The following AK5 variants were observed in gnomAD, a reference collection of about 807,000 sequenced individuals.
AK5 encodes the protein adenylate kinase 5.
AK5 carries 27 observed loss-of-function variants against 69.5 expected under a neutral mutation model. The ratio of observed to expected loss-of-function variants is 0.39; its 90% CI spans 0.29 to 0.54. The LOEUF (loss-of-function observed/expected upper bound fraction) is 0.54. Ranked by LOEUF, AK5 falls within the 20% of genes least tolerant of loss-of-function variation. The probability of loss-of-function intolerance (pLI) is 0.71; values close to 1 mark genes in which losing one functional copy is unlikely to be tolerated. For missense variants in AK5, 531 were observed against 700.4 expected, an observed-to-expected ratio of 0.76 and a Z score of 2.73; for synonymous variants, 260 against 244.4, an observed-to-expected ratio of 1.06 and a Z score of -0.60.
At chr1:77,482,744 CTGGGCAA>C (rs1251294166) in intron 8 of AK5, among the ~76,000 whole-genome samples, 5 of 148,946 alleles carry the variant, frequency 3.4e-5, no homozygotes, top group Admixed American at 6.7e-5. Flanking sequence ...GCGCTCCAGC[CTGGGCAA>C]CAGGGCGAGA....
At chr1:77,368,444 G>T (rs1183116526) in intron 6 of AK5, among the ~76,000 whole-genome samples, 3 of 149,722 alleles carry the variant, frequency 2.0e-5, no homozygotes, top group African/African-American at 2.5e-5. Context: ...ATGAAACAAG[G>T]TTTGTGTACA....
chr1:77,377,858 A>G (rs1647349992), intron 6 of AK5, among the ~76,000 whole-genome samples: 1 of 152,288 alleles, frequency 6.6e-6, no homozygotes, highest in Non-Finnish European at 1.5e-5. Flanking sequence ...ATACCTTTGC[A>G]TGCCTTTTCC....
intron 5 of AK5, among the ~76,000 whole-genome samples, 154 bp from the exon 6 acceptor site, chr1:77,340,223 T>C (rs1469877366): frequency 6.6e-6 from 1 of 152,140 alleles, no homozygotes; most frequent in Non-Finnish European, 1.5e-5. Context: ...CTCCTGGCCT[T>C]GGGTAGAGCA....
At chr1:77,462,988 A>G (rs1054745498) in intron 8 of AK5, among the ~76,000 whole-genome samples, 42 of 152,202 alleles carry the variant, frequency 2.8e-4, no homozygotes, top group African/African-American at 9.9e-4. Context: ...CTTATTTGCA[A>G]TTTAGTACCA....
intron 8 of AK5, among the ~76,000 whole-genome samples, chr1:77,445,067 G>A (rs1234495399): frequency 2.0e-5 from 3 of 151,966 alleles, no homozygotes; most frequent in Non-Finnish European, 4.4e-5. Context: ...CCATATCTTG[G>A]CTATTGTGAA....
At chr1:77,429,070 G>T (rs910686950) in intron 8 of AK5, among the ~76,000 whole-genome samples, 52 of 152,198 alleles carry the variant, frequency 3.4e-4, no homozygotes, top group Non-Finnish European at 2.4e-4. Context: ...ATGTGTGTGT[G>T]TGTGTCTTTA....
intron 8 of AK5, among the ~76,000 whole-genome samples, chr1:77,471,248 A>G (rs761549515): frequency 1.3e-5 from 2 of 152,038 alleles, no homozygotes; most frequent in African/African-American, 4.8e-5. Flanking sequence ...TTCGAACTCT[A>G]TCTCACACAC....
chr1:77,493,721 G>A (rs1168517167), intron 10 of AK5, among the ~76,000 whole-genome samples: 2 of 152,058 alleles, frequency 1.3e-5, no homozygotes, highest in Admixed American at 6.6e-5. Context: ...TTCCAGGCCC[G>A]ACACCTGTAT....
At chr1:77,295,210 A>T (rs1201285705) in intron 3 of AK5, among the ~76,000 whole-genome samples, 1 of 152,188 alleles carries the variant, frequency 6.6e-6, no homozygotes, top group Non-Finnish European at 1.5e-5. Flanking sequence ...AGTTGCATTA[A>T]CAGAGTGTCA....
chr1:77,320,360 G>A (rs1052019641), intron 5 of AK5, among the ~76,000 whole-genome samples: 2 of 152,070 alleles, frequency 1.3e-5, no homozygotes, highest in South Asian at 2.1e-4. Context: ...GATTAAAATG[G>A]GATTTTCATT....
intron 6 of AK5, among the ~76,000 whole-genome samples, chr1:77,390,259 T>C (rs1164866424): frequency 6.6e-6 from 1 of 152,234 alleles, no homozygotes; most frequent in Non-Finnish European, 1.5e-5. Context: ...AGCACAGTTC[T>C]AATGGTGTGA....
chr1:77,294,023 C>T, intron 3 of AK5, 63 bp downstream of exon 3: 1 of 1,469,062 alleles, frequency 6.8e-7, no homozygotes, highest in Non-Finnish European at 9.2e-7. Context: ...ATTTACATTT[C>T]AAAAAAGTAA....
In AK5 at chr1:77,340,461, G is replaced by A. The variant is rs1204933444; in HGVS notation, c.784G>A (p.Gly262Ser). 6.2e-7 allele frequency: 1 copy of A among 1,614,086 alleles called. No individual in the cohort carries two copies. Among genetic ancestry groups the A allele is most frequent in the East Asian group, 2.2e-5 (1 of 44,874 alleles). ...ERLLKRAEQQ[G>S]RPDDNVKATQ... ...ATTACTGAAGCGTGCAGAACAGCAG[G>A]GCCGACCAGACGACAATGTAAAAGC... The change falls in exon 6 of 14, where the codon GGC (glycine) becomes AGC (serine). Residue 262 changes from glycine to serine, a missense_variant. Transcript: ENST00000354567.
chr1:77,338,583 A>G (rs1661487034), intron 5 of AK5, among the ~76,000 whole-genome samples: 1 of 152,102 alleles, frequency 6.6e-6, no homozygotes, highest in Admixed American at 6.5e-5. Flanking sequence ...AGCAAAAGGT[A>G]GTGGTTGAAA....
chr1:77,414,524 A>C (rs895745465), intron 7 of AK5, among the ~76,000 whole-genome samples: 2 of 152,150 alleles, frequency 1.3e-5, no homozygotes, highest in African/African-American at 2.4e-5. Flanking sequence ...TCTAAAGCTA[A>C]TTTGTATCAC....
intron 8 of AK5, among the ~76,000 whole-genome samples, chr1:77,481,922 A>C (rs1460127980): frequency 6.6e-6 from 1 of 152,242 alleles, no homozygotes; most frequent in East Asian, 1.9e-4. Context: ...TTAAACAACA[A>C]CAATTATGGT....
At chr1:77,490,377 A>G (rs1655907559) in intron 10 of AK5, among the ~76,000 whole-genome samples, 1 of 152,164 alleles carries the variant, frequency 6.6e-6, no homozygotes, top group Admixed American at 6.5e-5. Context: ...TGGTCATCTG[A>G]GTGGAAAAAA....
chr1:77,417,875 T>C (rs1240479405), intron 8 of AK5, 160 bp downstream of exon 8: 2 of 516,206 alleles, frequency 3.9e-6, no homozygotes, highest in Non-Finnish European at 6.8e-6. Context: ...ACAGTTTTCA[T>C]TCACTAAGTT....
chr1:77,392,386 T>C (rs939005182), intron 6 of AK5, among the ~76,000 whole-genome samples: 1 of 152,212 alleles, frequency 6.6e-6, no homozygotes, highest in Admixed American at 6.5e-5. Context: ...GTATATGAGA[T>C]AACTGACTTA....
Sources: gnomAD v4.1 joint callset for allele counts (sites outside exome capture counted in the v4.1 genomes callset) on GRCh38, gnomAD v4.1.1 for gene constraint, MANE v1.5 for transcripts, NCBI Gene and HGNC (gene_info 2026-07-23, HGNC 2026-07-21) for gene names.